The following POU6F2 variants were observed in gnomAD, a reference collection of about 807,000 sequenced individuals.
POU6F2 encodes POU domain, class 6, transcription factor 2.
POU6F2 carries 31 observed loss-of-function variants against 71.3 expected under a neutral mutation model. The ratio of observed to expected loss-of-function variants is 0.43; its 90% CI spans 0.33 to 0.59. The LOEUF (loss-of-function observed/expected upper bound fraction) is 0.59. Ranked by LOEUF, POU6F2 falls within the 20% of genes least tolerant of loss-of-function variation. The probability of loss-of-function intolerance (pLI) is 0.04; values close to 1 mark genes in which losing one functional copy is unlikely to be tolerated. For missense variants in POU6F2, 783 were observed against 856.8 expected (o/e 0.91, Z 1.07); for synonymous variants, 347 against 355.7 (o/e 0.98, Z 0.27).
At chr7:39,377,964 C>T (rs1053410233) in intron 5 of POU6F2, among the ~76,000 whole-genome samples, 2 of 152,176 alleles carry the variant, frequency 1.3e-5, no homozygotes, top group African/African-American at 4.8e-5. Flanking sequence ...CTCCCTCTTG[C>T]TTGGAGTCAA....
At chr7:39,414,321 T>G (rs1034964272) in intron 6 of POU6F2, among the ~76,000 whole-genome samples, 1 of 152,200 alleles carries the variant, frequency 6.6e-6, no homozygotes, top group Non-Finnish European at 1.5e-5. Context: ...TTTGCAGAGA[T>G]AAGGGATCTC....
rs149885905 is a variant in POU6F2, at chr7:39,092,267, A to G, written c.277+6236A>G. On this transcript the variant is annotated intron_variant, in intron 2 of 9. Coordinates refer to ENST00000518318, the MANE Select transcript of POU6F2 (RefSeq NM_001370959.1). ...GTAGCTAGAGAAAGCTCATAGTAAC[A>G]GTTGCCATTCTCCAGCGGATGGGTT... 3.1e-3 allele frequency among the ~76,000 whole-genome samples: 466 copies of G among 152,326 alleles called. 12 individuals are homozygous for G. Among genetic ancestry groups the G allele is most frequent in the Admixed American group, 0.028 (426 of 15,288 alleles).
At chr7:39,136,778 G>A (rs1361111725) in intron 2 of POU6F2, among the ~76,000 whole-genome samples, 4 of 151,428 alleles carry the variant, frequency 2.6e-5, no homozygotes, top group African/African-American at 9.7e-5. Context: ...AGGATCACTC[G>A]AGACCAAGAG....
chr7:39,348,263 G>A (rs1786068137), intron 5 of POU6F2, among the ~76,000 whole-genome samples: 1 of 104,020 alleles, frequency 9.6e-6, no homozygotes, highest in African/African-American at 3.0e-5. Context: ...TAACTAGATC[G>A]CTAATTAGTG....
intron 5 of POU6F2, among the ~76,000 whole-genome samples, chr7:39,346,667 TG>T (rs1449149198): frequency 1.3e-5 from 2 of 152,248 alleles, no homozygotes; most frequent in Non-Finnish European, 2.9e-5. Flanking sequence ...AGTGGCAATT[TG>T]AGATGCCCAA....
At chr7:39,459,346 A>G (rs937351122) in intron 8 of POU6F2, among the ~76,000 whole-genome samples, 1 of 152,196 alleles carries the variant, frequency 6.6e-6, no homozygotes, top group African/African-American at 2.4e-5. Context: ...CTCCCCAGTA[A>G]TGAGAAAATC....
chr7:39,214,425 G>C (rs1794201412), intron 4 of POU6F2, among the ~76,000 whole-genome samples: 2 of 152,168 alleles, frequency 1.3e-5, no homozygotes, highest in South Asian at 4.1e-4. Context: ...AATCTCAAAA[G>C]TGTTTGGTTT....
intron 2 of POU6F2, among the ~76,000 whole-genome samples, chr7:39,187,665 G>A (rs139852519): frequency 1.3e-5 from 2 of 152,342 alleles, no homozygotes; most frequent in East Asian, 1.9e-4. Flanking sequence ...TGACAGATGG[G>A]CTTTTTGAGC....
At chr7:39,014,509 G>A (rs1163883082) in intron 1 of POU6F2, among the ~76,000 whole-genome samples, 1 of 152,182 alleles carries the variant, frequency 6.6e-6, no homozygotes, top group Non-Finnish European at 1.5e-5. Flanking sequence ...GTAATACAAA[G>A]ACAACATTGT....
At chr7:39,404,667 T>C (rs1787380147) in intron 5 of POU6F2, 1 of 152,186 alleles carries the variant, frequency 6.6e-6, no homozygotes, top group Admixed American at 6.5e-5. Flanking sequence ...GATTTCAACT[T>C]GTATTGCATG....
At chr7:39,012,780 T>G (rs1295220543) in intron 1 of POU6F2, among the ~76,000 whole-genome samples, 3 of 147,954 alleles carry the variant, frequency 2.0e-5, no homozygotes, top group Non-Finnish European at 3.0e-5. Context: ...TGGAATACCC[T>G]GCCGTGTGAG....
At position 39,022,089 on chromosome 7, in the gene POU6F2, G is replaced by T. The variant is rs73363525; in HGVS notation, c.105+44031G>T. Among the ~76,000 whole-genome samples, 932 of 152,058 alleles carry T rather than the reference G, an allele frequency of 6.1e-3. 9 individuals carry two copies. The highest frequency in any genetic ancestry group is 0.022 in the African/African-American group (897 of 41,516). ...ATACAGAGACTTGTGACTTTCTTTGGCTCAGGGAAAATATCTTTTATTATA... is the reference window on the plus strand; with the variant it reads ...ATACAGAGACTTGTGACTTTCTTTGTCTCAGGGAAAATATCTTTTATTATA... On this transcript the variant is annotated intron_variant, in intron 1 of 9. Coordinates refer to ENST00000518318, the MANE Select transcript of POU6F2 (RefSeq NM_001370959.1).
chr7:39,211,155 G>A (rs1794135885), intron 4 of POU6F2, among the ~76,000 whole-genome samples: 1 of 152,152 alleles, frequency 6.6e-6, no homozygotes, highest in African/African-American at 2.4e-5. Context: ...GGCCTCACCT[G>A]CTGATACCAT....
chr7:39,294,460 A>C (rs149743054), intron 4 of POU6F2, among the ~76,000 whole-genome samples: 316 of 151,774 alleles, frequency 2.1e-3, no homozygotes, highest in African/African-American at 7.4e-3. Context: ...TTGGATAAGC[A>C]AAACAAAAAC....
intron 2 of POU6F2, among the ~76,000 whole-genome samples, chr7:39,124,311 C>G (rs929808257): frequency 2.0e-5 from 3 of 152,140 alleles, no homozygotes; most frequent in Admixed American, 2.0e-4. Context: ...TCCCAAAGTG[C>G]TGGGATTACA....
chr7:39,131,834 G>T (rs1423254382), intron 2 of POU6F2, among the ~76,000 whole-genome samples: 2 of 125,460 alleles, frequency 1.6e-5, no homozygotes, highest in South Asian at 5.1e-4. Flanking sequence ...CATCTATTTT[G>T]TTTTATATTT....
chr7:39,112,342 A>G (rs1269174666), intron 2 of POU6F2, among the ~76,000 whole-genome samples: 1 of 152,240 alleles, frequency 6.6e-6, no homozygotes, highest in Non-Finnish European at 1.5e-5. Context: ...AGTGCTCGCT[A>G]TAACAAAATG....
At chr7:39,096,921 A>G (rs1041533776) in intron 2 of POU6F2, among the ~76,000 whole-genome samples, 8 of 152,226 alleles carry the variant, frequency 5.3e-5, no homozygotes, top group African/African-American at 1.9e-4. Flanking sequence ...ACATAAAAGC[A>G]AAATTGCACA....
At chr7:39,256,617 AT>A (rs1371025724) in intron 4 of POU6F2, among the ~76,000 whole-genome samples, 1 of 152,210 alleles carries the variant, frequency 6.6e-6, no homozygotes, top group Non-Finnish European at 1.5e-5. Flanking sequence ...AAGTAGAGAG[AT>A]TATCCAGGAT....
Sources: gnomAD v4.1 joint callset for allele counts (sites outside exome capture counted in the v4.1 genomes callset) on GRCh38, gnomAD v4.1.1 for gene constraint, MANE v1.5 for transcripts, NCBI Gene and HGNC (gene_info 2026-07-23, HGNC 2026-07-21) for gene names.